UGT1A3: variants seen among roughly 807,000 people sequenced by gnomAD.
The protein encoded by UGT1A3 is UDP-glucuronosyltransferase 1A3.
Under a neutral mutation model 41.0 loss-of-function variants are expected in UGT1A3, and 31 were observed. That is an observed-to-expected ratio of 0.76 (90% CI 0.57 to 1.02). The LOEUF is 1.02. Among genes scored for constraint, UGT1A3 ranks in the 50% least tolerant of loss-of-function variants. UGT1A3 has a pLI of 0.00. For synonymous variants in UGT1A3, 262 were observed against 257.6 expected (o/e 1.02, Z -0.17); for missense variants, 737 against 671.0 (o/e 1.10, Z -1.09).
In UGT1A3 at chr2:233,772,279, T is replaced by G. The variant is rs202172337; in HGVS notation, c.1325T>G (p.Met442Arg). Residue 442 changes from methionine to arginine, a missense_variant, in exon 5 of 5, where the codon ATG (methionine) becomes AGG (arginine). By Grantham distance (91) the Met-to-Arg change is moderately conservative. Transcript: ENST00000482026. ...INDKSYKENI[M>R]RLSSLHKDRP... The stretch of plus-strand genomic sequence containing the variant: ...GTGTTTAGTTACAAGGAGAACATCA[T>G]GCGCCTCTCCAGCCTTCACAAGGAC... 1.9e-6 allele frequency: 3 copies of G among 1,614,146 alleles called. No homozygotes were observed. The African/African-American group carries it at 4.0e-5, about 22-fold the overall frequency.
chr2:233,739,265 T>C (rs749101347), intron 1 of UGT1A3, among the ~76,000 whole-genome samples: 1 of 152,088 alleles, frequency 6.6e-6, no homozygotes, highest in Non-Finnish European at 1.5e-5. Flanking sequence ...AAATGTGAGG[T>C]TGGAGCCCCC....
At chr2:233,747,988 G>A (rs1693831821) in intron 1 of UGT1A3, 3 of 1,613,354 alleles carry the variant, frequency 1.9e-6, no homozygotes, top group Non-Finnish European at 2.5e-6. Context: ...CTGTTCCGAG[G>A]GGACTTTGTG....
intron 1 of UGT1A3, chr2:233,743,502 T>A: frequency 1.5e-6 from 2 of 1,367,112 alleles, no homozygotes; most frequent in Non-Finnish European, 2.0e-6. Context: ...AGAAAAGGGG[T>A]GCAGACGCTC....
chr2:233,761,274 T>A, intron 1 of UGT1A3: 3 of 1,580,366 alleles, frequency 1.9e-6, no homozygotes, highest in Non-Finnish European at 2.6e-6. Flanking sequence ...TGCCCTCTTT[T>A]GTTAATTTTT....
At chr2:233,738,690 T>C (rs1178120168) in intron 1 of UGT1A3, among the ~76,000 whole-genome samples, 2 of 152,174 alleles carry the variant, frequency 1.3e-5, no homozygotes, top group African/African-American at 2.4e-5. Flanking sequence ...TTGGAACTTA[T>C]GTTTAAAAGG....
chr2:233,735,915 C>T (rs1408003529), intron 1 of UGT1A3, among the ~76,000 whole-genome samples: 4 of 152,042 alleles, frequency 2.6e-5, no homozygotes, highest in South Asian at 4.2e-4. Flanking sequence ...GTGGGTAACC[C>T]GACCTTTCTC....
intron 1 of UGT1A3, 147 bp downstream of exon 1, chr2:233,730,140 A>G (rs1239984500): frequency 2.3e-5 from 35 of 1,523,880 alleles, no homozygotes; most frequent in Non-Finnish European, 2.7e-5. Flanking sequence ...TCAGTGAGAT[A>G]AACTGTTAAG....
chr2:233,738,227 A>G (rs1250315362), intron 1 of UGT1A3, among the ~76,000 whole-genome samples: 1 of 151,870 alleles, frequency 6.6e-6, no homozygotes, highest in African/African-American at 2.4e-5. Context: ...AAGTTTCCTG[A>G]GGCCCCTCCA....
At chr2:233,747,177 T>A in intron 1 of UGT1A3, 1 of 1,600,690 alleles carries the variant, frequency 6.2e-7, no homozygotes, top group Non-Finnish European at 8.5e-7. Context: ...AGGCACAGCG[T>A]GGGGTGGACA....
chr2:233,755,325 G>T, intron 1 of UGT1A3: 1 of 473,384 alleles, frequency 2.1e-6, no homozygotes, highest in Non-Finnish European at 3.6e-6. Flanking sequence ...AAGGCTGCCA[G>T]CACCCGCGCA....
rs189644754 is a variant in UGT1A3 at position 233,743,962 on chromosome 2, C to T, written c.867+13969C>T. 923 of 1,331,616 alleles carry T rather than the reference C, an allele frequency of 6.9e-4. 28 individuals are homozygous for T. The African/African-American group carries it at 0.013, about 18-fold the overall frequency. The allele number at this position is 1,331,616 out of a possible 1,614,324, so 82.5% of individuals were successfully genotyped here. On this transcript the variant is annotated intron_variant, in intron 1 of 4. Coordinates refer to ENST00000482026, the MANE Select transcript of UGT1A3 (RefSeq NM_019093.4). ...CACCAGGCACTGGCACAGCGAGCGG[C>T]AAGGCTGCCAGCACCCAGGCGCAGG...
At chr2:233,740,026 G>A (rs1244657367) in intron 1 of UGT1A3, among the ~76,000 whole-genome samples, 1 of 151,782 alleles carries the variant, frequency 6.6e-6, no homozygotes, top group Non-Finnish European at 1.5e-5. Flanking sequence ...GAGAGCTGAT[G>A]GTTTTATAAG....
intron 1 of UGT1A3, chr2:233,743,102 G>A: frequency 5.7e-6 from 2 of 353,898 alleles, no homozygotes; most frequent in Non-Finnish European, 1.1e-5. Flanking sequence ...CTTGGGTACA[G>A]CTGTTCTGAA....
Position 233,760,956 on chromosome 2 carries a change from C to T in UGT1A3, c.868-6078C>T, listed in dbSNP as rs770299996. The T allele has an allele frequency of 1.7e-5, 27 of 1,614,098 alleles. No individual in the cohort carries two copies. Among genetic ancestry groups the T allele is most frequent in the African/African-American group, 2.7e-5 (2 of 74,934 alleles). ...TTGCCTTTTCACAGAACTTTCTGTG[C>T]GACGTGGTTTATTCCCCGTATGCAA... On this transcript the variant is annotated intron_variant, in intron 1 of 4. Coordinates refer to ENST00000482026, the MANE Select transcript of UGT1A3 (RefSeq NM_019093.4).
chr2:233,739,341 C>T (rs1254802049), intron 1 of UGT1A3, among the ~76,000 whole-genome samples: 1 of 152,148 alleles, frequency 6.6e-6, no homozygotes, highest in Non-Finnish European at 1.5e-5. Flanking sequence ...TCCTTCAGAA[C>T]CCAGAAGGGC....
Position 233,772,576 on chromosome 2 carries a change from A to G in UGT1A3, c.*17A>G. The stretch of plus-strand genomic sequence containing the variant: ...ACCCATTGAGAAGTGGGTGGGAAAT[A>G]AGGTAAAATTTTGAACCATTCCCTA... On this transcript the variant is annotated 3_prime_UTR_variant, in exon 5 of 5. Transcript: ENST00000482026. 6.2e-7 allele frequency: 1 copy of G among 1,610,732 alleles called. No homozygotes were observed. Among genetic ancestry groups the G allele is most frequent in the Non-Finnish European group, 8.5e-7 (1 of 1,178,228 alleles).
Position 233,729,326 on chromosome 2 carries a change from T to C in UGT1A3, c.200T>C (p.Met67Thr), listed in dbSNP as rs370995578. The C allele has an allele frequency of 5.1e-5, 82 of 1,614,128 alleles. No homozygotes were observed. The highest frequency in any genetic ancestry group is 6.7e-5 in the Non-Finnish European group (79 of 1,180,052). ...QAVVLTPEVN[M>T]HIKEENFFTL... ...GTGGTCCTCACCCCAGAGGTGAATA[T>C]GCACATCAAAGAAGAGAACTTTTTC... The change falls in exon 1 of 5, where the codon ATG becomes ACG. Residue 67 changes from methionine (M) to threonine (T), a missense_variant. By Grantham distance (81) the Met-to-Thr change is moderately conservative (BLOSUM62 -1). Transcript: ENST00000482026.
At chr2:233,736,679 G>C (rs2078792170) in intron 1 of UGT1A3, among the ~76,000 whole-genome samples, 1 of 152,134 alleles carries the variant, frequency 6.6e-6, no homozygotes, top group African/African-American at 2.4e-5. Flanking sequence ...CTTTGATGTT[G>C]GTGACCTACA....
chr2:233,767,835 T>C lies in UGT1A3; in HGVS notation c.1000-14T>C. Reference sequence around the variant, plus strand: ...TGTTCTTTCTTTACGTTCTGCTCTTTTTGCCCCTCCCAGGTCCTGTGGCGG... The same window carrying C: ...TGTTCTTTCTTTACGTTCTGCTCTTCTTGCCCCTCCCAGGTCCTGTGGCGG... On this transcript the variant is annotated splice_polypyrimidine_tract_variant and intron_variant, in intron 2 of 4. Coordinates refer to ENST00000482026, the MANE Select transcript of UGT1A3 (RefSeq NM_019093.4). 1.9e-6 allele frequency: 3 copies of C among 1,614,192 alleles called. No homozygotes were observed. Among genetic ancestry groups the C allele is most frequent in the Non-Finnish European group, 2.5e-6 (3 of 1,180,034 alleles).
Sources: gnomAD v4.1 joint callset for allele counts (sites outside exome capture counted in the v4.1 genomes callset) on GRCh38, gnomAD v4.1.1 for gene constraint, MANE v1.5 for transcripts, NCBI Gene and HGNC (gene_info 2026-07-23, HGNC 2026-07-21) for gene names.